NTRK3: variants seen among roughly 807,000 people sequenced by gnomAD.
NTRK3 encodes the protein NT-3 growth factor receptor.
A neutral mutation model predicts 91.7 loss-of-function variants in NTRK3; 24 were observed. That is an observed-to-expected ratio of 0.26 (90% CI 0.19 to 0.37). The LOEUF is 0.37. Ranked by LOEUF, NTRK3 falls within the 10% of genes least tolerant of loss-of-function variation. The pLI is 1.00. For synonymous variants in NTRK3, 483 were observed against 404.0 expected, an observed-to-expected ratio of 1.20 and a Z score of -2.34; for missense variants, 880 against 1,068.9, an observed-to-expected ratio of 0.82 and a Z score of 2.46.
At chr15:88,032,389 G>A (rs1301852109) in intron 14 of NTRK3, among the ~76,000 whole-genome samples, 1 of 152,156 alleles carries the variant, frequency 6.6e-6, no homozygotes, top group East Asian at 1.9e-4. Context: ...CACACTTCGG[G>A]GCACTGGAGG....
exon 19 of NTRK3, chr15:87,862,590 AT>A (rs967528579): frequency 6.6e-5 from 15 of 226,224 alleles, no homozygotes; most frequent in African/African-American, 3.3e-4. Flanking sequence ...GATGCTGACA[AT>A]TAGTTAAGAG....
At chr15:88,147,715 A>G (rs1164762943) in intron 5 of NTRK3, among the ~76,000 whole-genome samples, 2 of 152,162 alleles carry the variant, frequency 1.3e-5, no homozygotes, top group Admixed American at 6.6e-5. Flanking sequence ...AAAAGTTTAC[A>G]GAGCCTTTAT....
chr15:87,894,019 AGGG>A (rs1374334465), intron 17 of NTRK3, among the ~76,000 whole-genome samples: 5 of 152,248 alleles, frequency 3.3e-5, no homozygotes, highest in Non-Finnish European at 5.9e-5. Context: ...ATTGTCATAA[AGGG>A]TGTCATTTAT....
intron 13 of NTRK3, among the ~76,000 whole-genome samples, chr15:88,058,934 C>T (rs934398032): frequency 6.6e-6 from 1 of 152,144 alleles, no homozygotes; most frequent in African/African-American, 2.4e-5. Context: ...ATGTGGTACT[C>T]TAGCTTCTTC....
chr15:88,195,130 G>A (rs1156669579), intron 3 of NTRK3, among the ~76,000 whole-genome samples: 2 of 152,182 alleles, frequency 1.3e-5, no homozygotes, highest in Non-Finnish European at 2.9e-5. Flanking sequence ...GGCCAGAGAT[G>A]TTATTAATCT....
At chr15:87,886,250 G>A (rs1389782687) in intron 17 of NTRK3, among the ~76,000 whole-genome samples, 4 of 151,970 alleles carry the variant, frequency 2.6e-5, no homozygotes, top group Non-Finnish European at 5.9e-5. Context: ...GGGCAGCTTG[G>A]TAGAATCTGT....
In NTRK3 at chr15:87,881,154, C is replaced by A. The variant is rs2065222443; in HGVS notation, c.2134-726G>T. Among the ~76,000 whole-genome samples the A allele has an allele frequency of 2.0e-5, 3 of 152,280 alleles. No homozygotes were observed. The South Asian group carries it at 6.2e-4, about 32-fold the overall frequency. ...TGACAAGGATAAACACCCAGGGTACCCTTTACTGAGAAAAACATTAGGGAA... is the reference window on the plus strand; with the variant it reads ...TGACAAGGATAAACACCCAGGGTACACTTTACTGAGAAAAACATTAGGGAA... On this transcript the variant is annotated intron_variant, in intron 17 of 18. Coordinates refer to ENST00000394480, the Ensembl canonical transcript of NTRK3.
At chr15:88,131,490 C>T (rs2041341238) in intron 10 of NTRK3, among the ~76,000 whole-genome samples, 1 of 152,100 alleles carries the variant, frequency 6.6e-6, no homozygotes, top group Admixed American at 6.5e-5. Context: ...CTGGGCATAC[C>T]CTTCGTGCCA....
At chr15:87,871,067 T>C (rs16940946) in exon 19 of NTRK3, 16,700 of 229,630 alleles carry the variant, frequency 0.073, 723 homozygotes, top group Middle Eastern at 0.094. Flanking sequence ...AACTTAGAAG[T>C]AAACTAGAAA....
At chr15:88,089,369 A>C (rs1597240586) in intron 13 of NTRK3, among the ~76,000 whole-genome samples, 1 of 152,350 alleles carries the variant, frequency 6.6e-6, no homozygotes, top group Admixed American at 6.5e-5. Context: ...AAATAATCAG[A>C]GATGTACGTG....
intron 13 of NTRK3, among the ~76,000 whole-genome samples, chr15:88,052,593 T>C (rs2045325267): frequency 1.3e-5 from 2 of 152,234 alleles, no homozygotes; most frequent in African/African-American, 2.4e-5. Flanking sequence ...TGTATGATAC[T>C]TTAAAGTTAG....
Position 87,872,086 on chromosome 15 carries a change from G to A in NTRK3, c.*4849C>T, listed in dbSNP as rs571071157. The stretch of plus-strand genomic sequence containing the variant: ...TGTGCCATTTTTTTTTCTCTCTAAG[G>A]CAAATGCCCTTGAGTCTTCTAGCAG... On this transcript the variant is annotated 3_prime_UTR_variant, in exon 19 of 19. Transcript: ENST00000394480. 2.9e-4 allele frequency: 65 copies of A among 221,518 alleles called. No individual in the cohort carries two copies. In the East Asian group the frequency reaches 4.1e-3, roughly 14 times the overall value. The allele number at this position is 221,518 out of a possible 1,614,324, so 13.7% of individuals were successfully genotyped here.
intron 3 of NTRK3, among the ~76,000 whole-genome samples, chr15:88,205,235 A>G (rs1164566785): frequency 2.6e-5 from 4 of 152,154 alleles, no homozygotes; most frequent in African/African-American, 9.7e-5. Context: ...TTGATGCCTT[A>G]GTGTCCGTGT....
intron 17 of NTRK3, among the ~76,000 whole-genome samples, chr15:87,911,153 A>G (rs2067067715): frequency 6.6e-6 from 1 of 152,202 alleles, no homozygotes; most frequent in Non-Finnish European, 1.5e-5. Flanking sequence ...GACAAGAGAC[A>G]GGGCAAGTGA....
intron 13 of NTRK3, among the ~76,000 whole-genome samples, chr15:88,125,241 T>G (rs1054865885): frequency 2.0e-5 from 3 of 152,238 alleles, no homozygotes; most frequent in African/African-American, 7.2e-5. Context: ...TTCGGTTCCA[T>G]GCGCAAACAC....
At chr15:88,136,345 A>T (rs1366640368) in intron 8 of NTRK3, 122 bp downstream of exon 8, 5 of 1,269,042 alleles carry the variant, frequency 3.9e-6, no homozygotes, top group Non-Finnish European at 4.5e-6. Flanking sequence ...TTGCAGCTGC[A>T]TGTAACCCAA....
At chr15:87,902,543 G>C (rs984948465) in intron 17 of NTRK3, among the ~76,000 whole-genome samples, 5 of 152,210 alleles carry the variant, frequency 3.3e-5, no homozygotes, top group African/African-American at 1.2e-4. Context: ...AAAGAAGTCA[G>C]AGTAGAGATG....
intron 13 of NTRK3, among the ~76,000 whole-genome samples, chr15:88,087,588 A>G (rs2048622073): frequency 6.6e-6 from 1 of 152,170 alleles, no homozygotes; most frequent in African/African-American, 2.4e-5. Flanking sequence ...CTTGGGATCA[A>G]TGGGATGGGT....
chr15:87,892,915 A>G (rs2065921589), intron 17 of NTRK3, among the ~76,000 whole-genome samples: 2 of 152,218 alleles, frequency 1.3e-5, no homozygotes, highest in South Asian at 4.1e-4. Flanking sequence ...TAGATGATGT[A>G]CCAAATTGCT....
Sources: allele counts gnomAD v4.1 joint callset (sites outside exome capture counted in the v4.1 genomes callset), GRCh38; gene constraint gnomAD v4.1.1; transcripts MANE v1.5; gene names NCBI Gene and HGNC (gene_info 2026-07-23, HGNC 2026-07-21).